Variants in ADGRA3 observed in about 807,000 individuals in gnomAD.
ADGRA3 encodes the protein adhesion G protein-coupled receptor A3.
A neutral mutation model predicts 119.8 loss-of-function variants in ADGRA3; 56 were observed. The ratio of observed to expected loss-of-function variants is 0.47; its 90% CI spans 0.38 to 0.58. The LOEUF (loss-of-function observed/expected upper bound fraction) is 0.58. Among genes scored for constraint, ADGRA3 ranks in the 20% least tolerant of loss-of-function variants. The probability of loss-of-function intolerance (pLI) is 0.00; values close to 1 mark genes in which losing one functional copy is unlikely to be tolerated. For missense variants in ADGRA3, 1,516 were observed against 1,649.0 expected (o/e 0.92, Z 1.40); for synonymous variants, 607 against 623.8 (o/e 0.97, Z 0.40).
intron 1 of ADGRA3, among the ~76,000 whole-genome samples, chr4:22,508,022 C>T (rs989971358): frequency 6.6e-6 from 1 of 152,212 alleles, no homozygotes; most frequent in African/African-American, 2.4e-5. Context: ...TCTTCCACCA[C>T]GTAGTCGTAT....
chr4:22,466,715 A>G (rs146690996), intron 2 of ADGRA3, among the ~76,000 whole-genome samples: 1 of 152,080 alleles, frequency 6.6e-6, no homozygotes, highest in East Asian at 1.9e-4. Flanking sequence ...TCCGTCTCAA[A>G]AAAAAAAACT....
At chr4:22,430,948 G>A (rs982031924) in intron 10 of ADGRA3, among the ~76,000 whole-genome samples, 4 of 152,352 alleles carry the variant, frequency 2.6e-5, no homozygotes, top group Middle Eastern at 3.4e-3. Context: ...TGCTTCACAG[G>A]GGGCAACCCC....
chr4:22,472,022 TG>T (rs1560334268), intron 2 of ADGRA3, among the ~76,000 whole-genome samples: 2 of 152,228 alleles, frequency 1.3e-5, no homozygotes, highest in African/African-American at 4.8e-5. Flanking sequence ...ATACTTTTTA[TG>T]GTGTGCATGA....
intron 10 of ADGRA3, among the ~76,000 whole-genome samples, chr4:22,434,597 G>T (rs1281858287): frequency 2.0e-5 from 3 of 152,146 alleles, no homozygotes; most frequent in Non-Finnish European, 4.4e-5. Flanking sequence ...TATCACAAAA[G>T]AAATTGTACA....
intron 2 of ADGRA3, among the ~76,000 whole-genome samples, chr4:22,469,308 T>C (rs7697959): frequency 0.55 from 82,975 of 152,042 alleles, 23,482 homozygotes; most frequent in East Asian, 0.69. Context: ...TTATTGTCTA[T>C]TTTCTCAATC....
rs138345053 is a variant in ADGRA3 at position 22,405,927 on chromosome 4, G to A, written c.2233-3128C>T. ...CCAGAATTTATTCCATCTGTACTTG[G>A]TTGTACTCATTAACCAACCTTACTT... On this transcript the variant is annotated intron_variant, in intron 14 of 18. Coordinates refer to ENST00000334304, the MANE Select transcript of ADGRA3 (RefSeq NM_145290.4). 2.0e-5 allele frequency among the ~76,000 whole-genome samples: 3 copies of A among 152,124 alleles called. 1 individual carries two copies. The East Asian group carries it at 5.8e-4, about 29-fold the overall frequency.
Position 22,516,043 on chromosome 4 carries a change from TCTGCC to T in ADGRA3, c.-264_-260del. ...CGCGAGCACCGCCTCCTCCTCCTCC[TCTGCC>T]GCCGCCGCCGCCGCCACTGCCTCCT... On this transcript the variant is annotated 5_prime_UTR_variant, in exon 1 of 19. Coordinates refer to ENST00000334304, the MANE Select transcript of ADGRA3 (RefSeq NM_145290.4). 1.9e-5 allele frequency: 3 copies of T among 156,508 alleles called. No individual in the cohort carries two copies. Among genetic ancestry groups the T allele is most frequent in the Non-Finnish European group, 2.7e-5 (2 of 72,858 alleles). The allele number at this position is 156,508 out of a possible 1,614,324, so 9.7% of individuals were successfully genotyped here. A position where few individuals can be genotyped will look rare whatever the true frequency, so the allele number is the denominator to read the frequency against.
intron 8 of ADGRA3, among the ~76,000 whole-genome samples, chr4:22,437,990 G>C (rs1577348639): frequency 6.6e-6 from 1 of 152,248 alleles, no homozygotes; most frequent in East Asian, 1.9e-4. Flanking sequence ...GTTTCCCTAA[G>C]GCAATGGCTC....
chr4:22,399,716 T>G (rs1377024223), intron 16 of ADGRA3, among the ~76,000 whole-genome samples: 1 of 152,158 alleles, frequency 6.6e-6, no homozygotes, highest in Non-Finnish European at 1.5e-5. Flanking sequence ...ACCACACTGG[T>G]TTCATTTCCA....
chr4:22,424,674 C>G (rs1560309953), intron 10 of ADGRA3, among the ~76,000 whole-genome samples: 1 of 152,220 alleles, frequency 6.6e-6, no homozygotes, highest in Non-Finnish European at 1.5e-5. Context: ...GGATGTCACA[C>G]AATACCAGAA....
chr4:22,486,333 C>T (rs6826101), intron 1 of ADGRA3, among the ~76,000 whole-genome samples: 101,023 of 152,096 alleles, frequency 0.66, 35,020 homozygotes, highest in East Asian at 0.91. Context: ...ACCTCTTTTA[C>T]ATGTCCTCTC....
At chr4:22,475,339 T>C (rs369202799) in intron 1 of ADGRA3, among the ~76,000 whole-genome samples, 1 of 152,192 alleles carries the variant, frequency 6.6e-6, no homozygotes, top group Non-Finnish European at 1.5e-5. Flanking sequence ...CTCCCTCATT[T>C]CAATGTTTTC....
chr4:22,408,784 T>G (rs1715061208), intron 14 of ADGRA3, among the ~76,000 whole-genome samples: 1 of 152,172 alleles, frequency 6.6e-6, no homozygotes, highest in Admixed American at 6.5e-5. Context: ...ATTTCACTCC[T>G]GAGTGTACAT....
intron 4 of ADGRA3, among the ~76,000 whole-genome samples, chr4:22,448,870 G>A (rs1025410601): frequency 1.3e-5 from 2 of 152,160 alleles, no homozygotes; most frequent in African/African-American, 4.8e-5. Context: ...GGAAAGGGAA[G>A]TCTTTTATTT....
chr4:22,515,684 C>G lies in ADGRA3; in HGVS notation c.101G>C (p.Gly34Ala), dbSNP rs1410509997. Residue 34 changes from glycine (G) to alanine (A), a missense_variant, in exon 1 of 19, where the codon GGC (glycine) becomes GCC (alanine). Transcript: ENST00000334304. ...LLALLGGGGG[G>A]GAAALPAGCK... is the part of the protein sequence containing the mutation. ...GCCGGCGGGCAGCGCCGCGGCGCCG[C>G]CGCCGCCGCCGCCTCCCAGCAGCGC... 4.5e-6 allele frequency: 5 copies of G among 1,105,530 alleles called. No homozygotes were observed. The highest frequency in any genetic ancestry group is 5.5e-6 in the Non-Finnish European group (5 of 910,720). 68.5% of individuals were successfully genotyped at this position (1,105,530 alleles called of 1,614,324 possible). A position where few individuals can be genotyped will look rare whatever the true frequency, so the allele number is the denominator to read the frequency against.
intron 14 of ADGRA3, among the ~76,000 whole-genome samples, chr4:22,403,196 T>C (rs777887017): frequency 6.6e-5 from 10 of 152,002 alleles, no homozygotes; most frequent in Admixed American, 1.3e-4. Context: ...GAGAGCAGTA[T>C]CTCTGAGGCT....
At chr4:22,477,970 T>C (rs1365931888) in intron 1 of ADGRA3, 2 of 152,318 alleles carry the variant, frequency 1.3e-5, no homozygotes, top group African/African-American at 4.8e-5. Flanking sequence ...TCATAATCAA[T>C]ATTTTTGCTG....
intron 14 of ADGRA3, among the ~76,000 whole-genome samples, chr4:22,408,413 T>C (rs1175655244): frequency 2.0e-5 from 3 of 152,098 alleles, no homozygotes; most frequent in African/African-American, 7.2e-5. Flanking sequence ...GAGCTCATAT[T>C]CAGTACCCAT....
chr4:22,498,182 T>G (rs1473997372), intron 1 of ADGRA3, among the ~76,000 whole-genome samples: 2 of 148,822 alleles, frequency 1.3e-5, no homozygotes, highest in Admixed American at 6.7e-5. Context: ...AAGGCAGAGG[T>G]TGCACAGTGA....
Sources: allele counts gnomAD v4.1 joint callset (sites outside exome capture counted in the v4.1 genomes callset), GRCh38; gene constraint gnomAD v4.1.1; transcripts MANE v1.5; gene names NCBI Gene and HGNC (gene_info 2026-07-23, HGNC 2026-07-21).